Variants in TSC2 observed in about 807,000 individuals in gnomAD.
TSC2 encodes TSC complex subunit 2, also known as tuberin.
In TSC2, 29 loss-of-function variants were observed where a neutral mutation model predicts 202.2. The observed-to-expected ratio is 0.14, with a 90% CI of 0.11 to 0.20. The LOEUF (loss-of-function observed/expected upper bound fraction) is 0.20. Among genes scored for constraint, TSC2 ranks in the 10% least tolerant of loss-of-function variants. TSC2 has a pLI of 1.00. For missense variants in TSC2, 2,429 were observed against 2,420.0 expected (o/e 1.00, Z -0.08); for synonymous variants, 1,349 against 1,044.0 (o/e 1.29, Z -5.63).
rs1235654050 is a variant in TSC2, at chr16:2,062,478, C to T, written c.1258-19C>T. The stretch of plus-strand genomic sequence containing the variant: ...GCGCCGGAGGGGCAGAGGGGCAACA[C>T]CGGCTCTTCTTTTGACAGGAGTCCT... On this transcript the variant is annotated intron_variant, in intron 12 of 41. Transcript: ENST00000219476. 4 of 1,597,692 alleles carry T rather than the reference C, an allele frequency of 2.5e-6. No homozygotes were observed. The highest frequency in any genetic ancestry group is 1.3e-5 in the African/African-American group (1 of 74,694).
At chr16:2,086,668 A>C (rs1596442230) in intron 37 of TSC2, 64 bp from the exon 38 acceptor site, 1 of 1,598,524 alleles carries the variant, frequency 6.3e-7, no homozygotes, top group East Asian at 2.2e-5. Context: ...GAGGTGCCCC[A>C]GTGCAAGGCA....
intron 10 of TSC2, among the ~76,000 whole-genome samples, chr16:2,059,509 G>GTTTTTTT (rs34881847): frequency 1.6e-5 from 1 of 63,544 alleles, no homozygotes; most frequent in Non-Finnish European, 2.8e-5. Flanking sequence ...CTGGCTAATG[G>GTTTTTTT]TTTTTTTTTT....
At chr16:2,060,533 T>C in intron 10 of TSC2, 137 bp from the exon 11 acceptor site, 2 of 1,477,600 alleles carry the variant, frequency 1.4e-6, no homozygotes, top group Non-Finnish European at 1.9e-6. Context: ...CACCTGCTGT[T>C]TCTGCGGCCC....
intron 11 of TSC2, chr16:2,061,352 G>A (rs1449217217): frequency 3.5e-5 from 10 of 285,168 alleles, no homozygotes; most frequent in African/African-American, 1.5e-4. Context: ...CCGGGACTTC[G>A]CCGGGACTTA....
chr16:2,064,179 C>T, intron 14 of TSC2, 93 bp from the exon 15 acceptor site: 1 of 1,596,788 alleles, frequency 6.3e-7, no homozygotes, highest in Non-Finnish European at 8.6e-7. Flanking sequence ...GACATGTCCG[C>T]TGCTTGCGGG....
In TSC2 at chr16:2,088,127, C is replaced by T. The variant is rs45482604; in HGVS notation, c.5148C>T (p.Ala1716=). ...RNLPFVARQM[A]LHANMASQVH... ...TGCCCTTCGTGGCCCGCCAGATGGC[C>T]CTGCACGCAAATGTGAGTGGGGGTG... Residue 1716 remains alanine, a synonymous_variant, in exon 40 of 42, where the codon GCC becomes GCT. Coordinates refer to ENST00000219476, the MANE Select transcript of TSC2 (RefSeq NM_000548.5). 1 of 1,612,986 alleles carries T rather than the reference C, an allele frequency of 6.2e-7. No individual in the cohort carries two copies. The highest frequency in any genetic ancestry group is 1.1e-5 in the South Asian group (1 of 91,082).
chr16:2,050,316 G>C, intron 2 of TSC2, 84 bp from the exon 3 acceptor site: 1 of 1,236,268 alleles, frequency 8.1e-7, no homozygotes, highest in South Asian at 1.2e-5. Flanking sequence ...AATGCAGTGG[G>C]AGTCTTTAGG....
chr16:2,069,718 G>A (rs969494943), intron 16 of TSC2, among the ~76,000 whole-genome samples: 6 of 152,198 alleles, frequency 3.9e-5, no homozygotes, highest in Non-Finnish European at 8.8e-5. Context: ...CTGACCTCAT[G>A]ATCCACCCGC....
chr16:2,083,380 C>A, intron 32 of TSC2: 1 of 510,064 alleles, frequency 2.0e-6, no homozygotes, highest in Non-Finnish European at 3.7e-6. Context: ...AGCTGAGGCC[C>A]GTCGGGCGGA....
intron 14 of TSC2, chr16:2,063,458 G>A: frequency 3.1e-6 from 1 of 326,872 alleles, no homozygotes; most frequent in Non-Finnish European, 5.9e-6. Flanking sequence ...TCCTCTGCGG[G>A]CTCTCCCTCT....
intron 33 of TSC2, 23 bp from the exon 34 acceptor site, chr16:2,084,205 C>A (rs749670994): frequency 1.3e-6 from 2 of 1,563,208 alleles, no homozygotes; most frequent in South Asian, 2.3e-5. Flanking sequence ...GACAGGGGTT[C>A]TCTTTGGGAT....
In TSC2 at chr16:2,088,784, G is replaced by A. The variant is rs1004414028; in HGVS notation, c.*174G>A. ...GGGGGGTGTCGAGGCTCTAGAAGCGGCCATGCCCACAGAAGTGGTACACAG... is the reference window on the plus strand; with the variant it reads ...GGGGGGTGTCGAGGCTCTAGAAGCGACCATGCCCACAGAAGTGGTACACAG... On this transcript the variant is annotated 3_prime_UTR_variant, in exon 42 of 42. Coordinates refer to ENST00000219476, the MANE Select transcript of TSC2 (RefSeq NM_000548.5). 2 of 885,170 alleles carry A rather than the reference G, an allele frequency of 2.3e-6. No homozygotes were observed. Among genetic ancestry groups the A allele is most frequent in the East Asian group, 5.3e-5 (2 of 37,400 alleles). The allele number at this position is 885,170 out of a possible 1,614,324, so 54.8% of individuals were successfully genotyped here.
At chr16:2,053,503 T>C (rs1417047010) in intron 4 of TSC2, 51 bp downstream of exon 4, 19 of 1,510,366 alleles carry the variant, frequency 1.3e-5, no homozygotes, top group Non-Finnish European at 1.6e-5. Context: ...GCCCACTGAC[T>C]GTCCTGTCCC....
chr16:2,077,332 CTGACGTTGTT>C, intron 25 of TSC2: 1 of 514,096 alleles, frequency 1.9e-6, no homozygotes, highest in African/African-American at 1.9e-5. Flanking sequence ...TTAATTTGCA[CTGACGTTGTT>C]TGTTTTGGTG....
At chr16:2,057,620 C>T (rs948990254) in intron 9 of TSC2, among the ~76,000 whole-genome samples, 4 of 152,170 alleles carry the variant, frequency 2.6e-5, no homozygotes, top group African/African-American at 9.7e-5. Context: ...TGTATCCATC[C>T]GCGCCTCCTG....
chr16:2,088,666 AAAT>A lies in TSC2; in HGVS notation c.*59_*61del. On this transcript the variant is annotated 3_prime_UTR_variant, in exon 42 of 42. Coordinates refer to ENST00000219476, the MANE Select transcript of TSC2 (RefSeq NM_000548.5). ...GGACGGTATTGCCTGTCAGTGAAAT[AAAT>A]AAAGTCCTGACCCCAGTGCACAGAC... is the stretch of plus-strand genomic sequence containing the variant. The A allele has an allele frequency of 1.9e-6, 3 of 1,553,182 alleles. No homozygotes were observed. Among genetic ancestry groups the A allele is most frequent in the South Asian group, 1.2e-5 (1 of 86,954 alleles).
At chr16:2,083,162 CT>C (rs2090342815) in intron 32 of TSC2, 1 of 457,228 alleles carries the variant, frequency 2.2e-6, no homozygotes, top group African/African-American at 2.0e-5. Flanking sequence ...TCCTCTCCCC[CT>C]GTCCTGACGC....
chr16:2,087,792 C>G, intron 38 of TSC2, 71 bp from the exon 39 acceptor site: 1 of 1,562,736 alleles, frequency 6.4e-7, no homozygotes, highest in Non-Finnish European at 8.7e-7. Context: ...AGCAGTGCAA[C>G]CAGGCAGTAG....
At chr16:2,076,289 G>A (rs1214475246) in intron 24 of TSC2, 119 bp downstream of exon 24, 1 of 1,566,218 alleles carries the variant, frequency 6.4e-7, no homozygotes, top group Admixed American at 1.9e-5. Flanking sequence ...GGTGTTTGGG[G>A]CTGTGCCTGT....
Sources: gnomAD v4.1 joint callset for allele counts (sites outside exome capture counted in the v4.1 genomes callset) on GRCh38, gnomAD v4.1.1 for gene constraint, MANE v1.5 for transcripts, NCBI Gene and HGNC (gene_info 2026-07-23, HGNC 2026-07-21) for gene names.